The following BRSK2 variants were observed in gnomAD, a reference collection of about 807,000 sequenced individuals.
BRSK2 encodes the protein BR serine/threonine kinase 2.
Under a neutral mutation model 83.3 loss-of-function variants are expected in BRSK2, and 19 were observed. That is an observed-to-expected ratio of 0.23 (90% CI 0.16 to 0.33). The LOEUF (loss-of-function observed/expected upper bound fraction) is 0.33, where lower values mean the gene tolerates loss of function less well. Among genes scored for constraint, BRSK2 ranks in the 10% least tolerant of loss-of-function variants. The probability of loss-of-function intolerance (pLI) is 1.00; values close to 1 mark genes in which losing one functional copy is unlikely to be tolerated. For missense variants in BRSK2, 798 were observed against 1,042.3 expected (o/e 0.77, Z 3.23); for synonymous variants, 519 against 435.4 (o/e 1.19, Z -2.39).
At chr11:1,459,133 G>C in intron 18 of BRSK2, 59 bp from the exon 19 acceptor site, 1 of 1,539,014 alleles carries the variant, frequency 6.5e-7, no homozygotes, top group African/African-American at 1.4e-5. Context: ...CGTCCAGCCA[G>C]AAGGCCCAGG....
chr11:1,414,521 A>G (rs903300222), intron 1 of BRSK2, among the ~76,000 whole-genome samples: 2 of 152,262 alleles, frequency 1.3e-5, no homozygotes, highest in Admixed American at 1.3e-4. Flanking sequence ...ACTTAGGCCA[A>G]GGAAGATTTG....
At position 1,404,753 on chromosome 11, in the gene BRSK2, C is replaced by T. The variant is rs530611157; in HGVS notation, c.91+14378C>T. 4.3e-4 allele frequency among the ~76,000 whole-genome samples: 65 copies of T among 152,336 alleles called. 1 individual carries two copies. In the South Asian group the frequency reaches 0.013, roughly 30 times the overall value. On this transcript the variant is annotated intron_variant, in intron 1 of 19. Coordinates refer to ENST00000528841, the MANE Select transcript of BRSK2 (RefSeq NM_001256627.2). ...TCCCCTCTCTGCCCTTCCCGCAAGCCGCCCGCTACCCACTGCCCACTAAGC... is the reference window on the plus strand; with the variant it reads ...TCCCCTCTCTGCCCTTCCCGCAAGCTGCCCGCTACCCACTGCCCACTAAGC...
chr11:1,449,975 G>GGCT, intron 13 of BRSK2, 139 bp downstream of exon 13: 2 of 618,754 alleles, frequency 3.2e-6, no homozygotes, highest in East Asian at 5.7e-5. Flanking sequence ...CTCCTGTGGC[G>GGCT]GCTGCTGCTC....
At position 1,440,853 on chromosome 11, in the gene BRSK2, T is replaced by A; in HGVS notation, c.338T>A (p.Leu113Gln). The change falls in exon 4 of 20, where the codon CTG (leucine) becomes CAG (glutamine). Residue 113 changes from leucine to glutamine, a missense_variant. By Grantham distance (113) the Leu-to-Gln change is moderately radical. This residue lies in a region of BRSK2 where 109 missense variants were observed against 259.2 expected (regional missense o/e 0.42). Coordinates refer to ENST00000528841, the MANE Select transcript of BRSK2 (RefSeq NM_001256627.2). ...GACTACCTGGTGAAGAAGGGGAGGC[T>A]GACGCCTAAGGAGGCTCGGAAGTTC... ...LFDYLVKKGR[L>Q]TPKEARKFFR... The A allele has an allele frequency of 6.2e-7, 1 of 1,606,178 alleles. No homozygotes were observed. Among genetic ancestry groups the A allele is most frequent in the Non-Finnish European group, 8.5e-7 (1 of 1,176,434 alleles).
At chr11:1,408,820 T>TGG (rs1847110312) in intron 1 of BRSK2, among the ~76,000 whole-genome samples, 1 of 149,986 alleles carries the variant, frequency 6.7e-6, no homozygotes, top group Non-Finnish European at 1.5e-5. Context: ...CTGGTGTGTG[T>TGG]GTGTGTGTGT....
chr11:1,436,703 C>T (rs527715586), intron 2 of BRSK2, among the ~76,000 whole-genome samples: 2 of 152,096 alleles, frequency 1.3e-5, no homozygotes, highest in South Asian at 4.1e-4. Flanking sequence ...GAGGCTGGGG[C>T]TCCCAGCTGC....
In BRSK2 at chr11:1,443,377, G is replaced by T; in HGVS notation, c.607G>T (p.Gly203Cys). 6.2e-7 allele frequency: 1 copy of T among 1,607,588 alleles called. No homozygotes were observed. The highest frequency in any genetic ancestry group is 8.5e-7 in the Non-Finnish European group (1 of 1,177,994). Reference sequence around the variant, plus strand: ...CCGGAAGGCGGACGTGTGGAGCTGCGGCGTCATCCTGTTCGCCTTGCTGGT... The same window carrying T: ...CCGGAAGGCGGACGTGTGGAGCTGCTGCGTCATCCTGTTCGCCTTGCTGGT... ...DGRKADVWSC[G>C]VILFALLVGA... The change falls in exon 7 of 20, where the codon GGC becomes TGC. Residue 203 changes from glycine (G) to cysteine (C), a missense_variant. Physicochemically the swap from Gly to Cys is radical, Grantham distance 159. Transcript: ENST00000528841.
At chr11:1,401,480 C>T (rs1171430586) in intron 1 of BRSK2, among the ~76,000 whole-genome samples, 1 of 152,180 alleles carries the variant, frequency 6.6e-6, no homozygotes, top group South Asian at 2.1e-4. Context: ...CCCCTGGGAC[C>T]AGGGCCAGCA....
chr11:1,449,917 A>T (rs1689395705), intron 13 of BRSK2, 81 bp downstream of exon 13: 1 of 1,075,480 alleles, frequency 9.3e-7, no homozygotes, highest in Admixed American at 1.9e-5. Flanking sequence ...GGGTGGGGGC[A>T]GCCTCGCGGA....
At chr11:1,391,387 G>A (rs1341760391) in intron 1 of BRSK2, among the ~76,000 whole-genome samples, 1 of 152,236 alleles carries the variant, frequency 6.6e-6, no homozygotes, top group Non-Finnish European at 1.5e-5. Flanking sequence ...GCTGGTGCAG[G>A]GTGGAGGCTC....
intron 15 of BRSK2, 126 bp downstream of exon 15, chr11:1,451,545 G>A (rs1420165193): frequency 5.0e-6 from 5 of 998,938 alleles, no homozygotes; most frequent in Non-Finnish European, 7.8e-6. Context: ...CCCACTGCAG[G>A]CAGGCCCGTC....
intron 1 of BRSK2, among the ~76,000 whole-genome samples, chr11:1,427,259 A>G (rs1385369911): frequency 1.3e-5 from 2 of 152,196 alleles, no homozygotes; most frequent in African/African-American, 4.8e-5. Context: ...CCTCCTGGGT[A>G]GCTGAGTGCA....
rs1388293938 is a variant in BRSK2 at position 1,454,268 on chromosome 11, T to TA, written c.1545-217_1545-216insA. On this transcript the variant is annotated intron_variant, in intron 15 of 19. Transcript: ENST00000528841. This position sits in a 1 kb window ranked among gnomAD's most constrained non-coding sequence, Gnocchi z 5.2. Reference sequence around the variant, plus strand: ...TTAGGGCTTGGAGAAAGGTTAGGGTTGGGGTTGGGGTTAGAGCCACGGTGA... The same window carrying TA: ...TTAGGGCTTGGAGAAAGGTTAGGGTTAGGGGTTGGGGTTAGAGCCACGGTGA... 3 of 513,112 alleles carry TA rather than the reference T, an allele frequency of 5.8e-6. No individual in the cohort carries two copies. Among genetic ancestry groups the TA allele is most frequent in the Non-Finnish European group, 1.0e-5 (3 of 285,770 alleles). 31.8% of individuals were successfully genotyped at this position (513,112 alleles called of 1,614,324 possible).
chr11:1,459,925 G>A (rs1590732040), intron 19 of BRSK2, among the ~76,000 whole-genome samples: 1 of 152,174 alleles, frequency 6.6e-6, no homozygotes, highest in Admixed American at 6.5e-5. Context: ...CTCTGGGGAG[G>A]TGTGGTGGGC....
intron 1 of BRSK2, among the ~76,000 whole-genome samples, chr11:1,398,196 GGGCAGT>G (rs1332070027): frequency 6.6e-6 from 1 of 152,194 alleles, no homozygotes; most frequent in Non-Finnish European, 1.5e-5. Flanking sequence ...AGGGGCTGGG[GGGCAGT>G]GCCTAGTGGC....
At chr11:1,456,857 C>T (rs991097257) in intron 18 of BRSK2, 170 bp downstream of exon 18, 1 of 1,401,254 alleles carries the variant, frequency 7.1e-7, no homozygotes, top group Non-Finnish European at 9.8e-7. Flanking sequence ...GGAGCAGAGC[C>T]CCTCCCTGGC....
chr11:1,419,318 G>A (rs56115465), intron 1 of BRSK2, among the ~76,000 whole-genome samples: 36,225 of 152,128 alleles, frequency 0.24, 4,592 homozygotes, highest in African/African-American at 0.28. Context: ...CTGTGTTTGT[G>A]GGCCCTGGGA....
At chr11:1,456,307 C>T (rs1238378208) in intron 16 of BRSK2, 41 bp from the exon 17 acceptor site, 1 of 1,510,450 alleles carries the variant, frequency 6.6e-7, no homozygotes, top group East Asian at 2.5e-5. Flanking sequence ...CAGGGTGGGA[C>T]CTGCCAGGCC....
At chr11:1,401,962 A>G (rs1846508411) in intron 1 of BRSK2, among the ~76,000 whole-genome samples, 1 of 152,164 alleles carries the variant, frequency 6.6e-6, no homozygotes. Context: ...GAGGAGGGGC[A>G]GGAGGAAACC....
Sources: gnomAD v4.1 joint callset for allele counts (sites outside exome capture counted in the v4.1 genomes callset) on GRCh38, gnomAD v4.1.1 for gene constraint, gnomAD v4.1.1 regional missense constraint, Gnocchi (gnomAD v3.1) non-coding constraint, MANE v1.5 for transcripts, NCBI Gene and HGNC (gene_info 2026-07-23, HGNC 2026-07-21) for gene names.